The following ALDH18A1 variants were observed in gnomAD, a reference collection of about 807,000 sequenced individuals.
ALDH18A1 encodes the protein delta-1-pyrroline-5-carboxylate synthase.
Under a neutral mutation model 88.8 loss-of-function variants are expected in ALDH18A1, and 44 were observed. The ratio of observed to expected loss-of-function variants is 0.50; its 90% CI spans 0.39 to 0.64. ALDH18A1 has a LOEUF of 0.64. ALDH18A1 is among the 30% of genes least tolerant of loss of function. The pLI, the probability that ALDH18A1 is intolerant of heterozygous loss-of-function variation, is 0.00. For missense variants in ALDH18A1, 782 were observed against 1,009.5 expected, an observed-to-expected ratio of 0.77 and a Z score of 3.05; for synonymous variants, 331 against 372.1, an observed-to-expected ratio of 0.89 and a Z score of 1.27.
In ALDH18A1 at chr10:95,647,716, C is replaced by T. The variant is rs545328854; in HGVS notation, c.89-4510G>A. Among the ~76,000 whole-genome samples the T allele has an allele frequency of 2.0e-5, 3 of 152,352 alleles. No individual in the cohort carries two copies. In the South Asian group the frequency reaches 6.2e-4, roughly 32 times the overall value. On this transcript the variant is annotated intron_variant, in intron 2 of 17. Coordinates refer to ENST00000371224, the MANE Select transcript of ALDH18A1 (RefSeq NM_002860.4). Reference sequence around the variant, plus strand: ...CCAAGACAAAATCTGAACAGACAGGCCTTGCTGGGTTACCCCACTCAGTCT... The same window carrying T: ...CCAAGACAAAATCTGAACAGACAGGTCTTGCTGGGTTACCCCACTCAGTCT...
At chr10:95,617,925 T>G (rs1194060164) in intron 12 of ALDH18A1, among the ~76,000 whole-genome samples, 1 of 152,142 alleles carries the variant, frequency 6.6e-6, no homozygotes, top group Non-Finnish European at 1.5e-5. Flanking sequence ...AGAGAGGTAG[T>G]GTGCCAGCAT....
chr10:95,617,244 C>T (rs774523189), intron 12 of ALDH18A1, among the ~76,000 whole-genome samples: 11 of 152,210 alleles, frequency 7.2e-5, no homozygotes, highest in Non-Finnish European at 1.2e-4. Context: ...GAGACTCCGT[C>T]GCAAACAAAC....
intron 1 of ALDH18A1, among the ~76,000 whole-genome samples, chr10:95,655,971 A>G (rs2097917409): frequency 6.6e-6 from 1 of 152,182 alleles, no homozygotes; most frequent in South Asian, 2.1e-4. Context: ...TCACCACCTC[A>G]GAGGGCAGGG....
chr10:95,626,109 T>G (rs1264480865), intron 10 of ALDH18A1, among the ~76,000 whole-genome samples: 1 of 152,142 alleles, frequency 6.6e-6, no homozygotes, highest in Non-Finnish European at 1.5e-5. Context: ...CTCCTTTGCT[T>G]TCCTTTCTCT....
chr10:95,630,338 G>A (rs956184020), intron 7 of ALDH18A1, among the ~76,000 whole-genome samples: 8 of 152,168 alleles, frequency 5.3e-5, no homozygotes, highest in African/African-American at 1.9e-4. Context: ...TACCTACTTT[G>A]TAGGGTTGCT....
intron 2 of ALDH18A1, among the ~76,000 whole-genome samples, chr10:95,647,803 A>G (rs954389423): frequency 2.0e-5 from 3 of 152,232 alleles, no homozygotes; most frequent in Non-Finnish European, 4.4e-5. Context: ...CCATGCTTCA[A>G]TCATGCCTAT....
At chr10:95,611,823 A>T (rs576456462) in intron 15 of ALDH18A1, among the ~76,000 whole-genome samples, 104 of 152,088 alleles carry the variant, frequency 6.8e-4, no homozygotes, top group African/African-American at 2.3e-3. Flanking sequence ...AAAAATTAGC[A>T]GGGCATGGTG....
intron 11 of ALDH18A1, 150 bp downstream of exon 11, chr10:95,625,212 C>G: frequency 1.3e-6 from 1 of 758,708 alleles, no homozygotes. Flanking sequence ...ACCAGCCACC[C>G]ACCTACCCTC....
At chr10:95,617,312 G>A (rs1379907695) in intron 12 of ALDH18A1, among the ~76,000 whole-genome samples, 2 of 152,242 alleles carry the variant, frequency 1.3e-5, no homozygotes, top group African/African-American at 2.4e-5. Context: ...CCCCCACCGT[G>A]GAGAACAGGG....
chr10:95,606,606 A>G lies in ALDH18A1; in HGVS notation c.*156T>C. 6.3e-7 allele frequency: 1 copy of G among 1,581,650 alleles called. No individual in the cohort carries two copies. The highest frequency in any genetic ancestry group is 1.1e-5 in the South Asian group (1 of 87,054). On this transcript the variant is annotated 3_prime_UTR_variant, in exon 18 of 18. Transcript: ENST00000371224. ...AGCCAGACTGTGCACATCAGCCAAG[A>G]CTGCTATTGCCAAACGGAGCCCAGA...
intron 15 of ALDH18A1, among the ~76,000 whole-genome samples, chr10:95,613,256 A>G (rs1015218249): frequency 9.2e-5 from 14 of 152,228 alleles, no homozygotes; most frequent in Non-Finnish European, 1.3e-4. Context: ...TAAAAACATA[A>G]TCCAGGGAGA....
intron 5 of ALDH18A1, among the ~76,000 whole-genome samples, chr10:95,636,816 T>C (rs993706323): frequency 4.6e-5 from 7 of 152,234 alleles, no homozygotes; most frequent in Non-Finnish European, 8.8e-5. Context: ...AGAACTGATA[T>C]TTACTGACAA....
At chr10:95,621,320 CTT>C (rs766601424) in intron 11 of ALDH18A1, 69 bp from the exon 12 acceptor site, 25,262 of 928,608 alleles carry the variant, frequency 0.027, no homozygotes, top group East Asian at 0.049. Context: ...ACCGATGTGT[CTT>C]TTTTTTTTTT....
chr10:95,633,168 C>G, intron 6 of ALDH18A1, 119 bp from the exon 7 acceptor site: 1 of 900,094 alleles, frequency 1.1e-6, no homozygotes, highest in Non-Finnish European at 1.8e-6. Flanking sequence ...ACCAATGAAC[C>G]CAAATATGTA....
In ALDH18A1 at chr10:95,610,574, T is replaced by G. The variant is rs497331; in HGVS notation, c.2111-282A>C. 0.92 allele frequency among the ~76,000 whole-genome samples: 140,372 copies of G among 152,244 alleles called. 65,220 individuals carry two copies. The highest frequency in any genetic ancestry group is 0.99 in the Non-Finnish European group (67,391 of 68,032). ...TACTTATGGGCTCCAGAGCCAGACT[T>G]CCTAGGCCTGAACTCCAGCTGTACA... is the stretch of plus-strand genomic sequence containing the variant. On this transcript the variant is annotated intron_variant, in intron 16 of 17. Transcript: ENST00000371224.
At chr10:95,653,783 G>A (rs1415193070) in intron 1 of ALDH18A1, among the ~76,000 whole-genome samples, 1 of 152,144 alleles carries the variant, frequency 6.6e-6, no homozygotes, top group East Asian at 1.9e-4. Flanking sequence ...AAGCAATCAT[G>A]TCCACCTTTC....
rs574059949 is a variant in ALDH18A1, at chr10:95,606,034, C to T, written c.*728G>A. ...TTTGTTTTGGAGGAAAAGGGTAGGACGACAAAATAATTCATACAAAAATTT... is the reference window on the plus strand; with the variant it reads ...TTTGTTTTGGAGGAAAAGGGTAGGATGACAAAATAATTCATACAAAAATTT... On this transcript the variant is annotated 3_prime_UTR_variant, in exon 18 of 18. Transcript: ENST00000371224. 1.9e-5 allele frequency: 3 copies of T among 160,004 alleles called. No homozygotes were observed. Among genetic ancestry groups the T allele is most frequent in the South Asian group, 2.0e-4 (1 of 4,984 alleles). 9.9% of individuals were successfully genotyped at this position (160,004 alleles called of 1,614,324 possible).
At chr10:95,625,276 G>T in intron 11 of ALDH18A1, 86 bp downstream of exon 11, 1 of 1,053,978 alleles carries the variant, frequency 9.5e-7, no homozygotes, top group Non-Finnish European at 1.5e-6. Flanking sequence ...TTATCTTTAG[G>T]CAGACATAAG....
chr10:95,623,434 G>A (rs963874231), intron 11 of ALDH18A1, among the ~76,000 whole-genome samples: 29 of 151,582 alleles, frequency 1.9e-4, no homozygotes, highest in African/African-American at 7.0e-4. Flanking sequence ...TTGAGATGAA[G>A]TCTTGCTCTG....
Sources: allele counts gnomAD v4.1 joint callset (sites outside exome capture counted in the v4.1 genomes callset), GRCh38; gene constraint gnomAD v4.1.1; transcripts MANE v1.5; gene names NCBI Gene and HGNC (gene_info 2026-07-23, HGNC 2026-07-21).